MAP2K4: variants seen among roughly 807,000 people sequenced by gnomAD.
MAP2K4 encodes dual specificity mitogen-activated protein kinase kinase 4.
In MAP2K4, 4 loss-of-function variants were observed where a neutral mutation model predicts 48.5. The ratio of observed to expected loss-of-function variants is 0.08; its 90% CI spans 0.04 to 0.19. The LOEUF (loss-of-function observed/expected upper bound fraction) is 0.19. Ranked by LOEUF, MAP2K4 falls within the 10% of genes least tolerant of loss-of-function variation. The probability of loss-of-function intolerance (pLI) is 1.00; values close to 1 mark genes in which losing one functional copy is unlikely to be tolerated. For synonymous variants in MAP2K4, 166 were observed against 173.1 expected (o/e 0.96, Z 0.32); for missense variants, 258 against 493.3 (o/e 0.52, Z 4.52).
chr17:12,063,985 G>A (rs1273663158), intron 2 of MAP2K4, among the ~76,000 whole-genome samples: 6 of 100,440 alleles, frequency 6.0e-5, no homozygotes, highest in South Asian at 4.8e-4. Flanking sequence ...GGCGGGGGGC[G>A]GGGAGGAAAG....
At chr17:12,129,037 A>G in intron 8 of MAP2K4, 102 bp from the exon 9 acceptor site, 2 of 1,057,976 alleles carry the variant, frequency 1.9e-6, no homozygotes, top group Non-Finnish European at 2.8e-6. Flanking sequence ...TCAAGGCTTT[A>G]CTAGAGTTTT....
At chr17:12,021,547 G>C (rs1969054786) in intron 1 of MAP2K4, 2 of 151,352 alleles carry the variant, frequency 1.3e-5, no homozygotes, top group East Asian at 3.9e-4. Flanking sequence ...AGCTGACCTC[G>C]GGCTACGGGG....
intron 2 of MAP2K4, among the ~76,000 whole-genome samples, chr17:12,074,759 G>A (rs12951298): frequency 1.3e-5 from 2 of 152,006 alleles, no homozygotes; most frequent in African/African-American, 2.4e-5. Flanking sequence ...ATCCTTGTCC[G>A]CAACTCAAGG....
rs28921092 is a variant in MAP2K4, at chr17:12,134,108, G to C, written c.1040+4821G>C. ...AAATTAAATCCCTATAGTAGGTGAT[G>C]ATGCTGCAGTGATGGCTCTCCACCT... On this transcript the variant is annotated intron_variant, in intron 9 of 10. Coordinates refer to ENST00000353533, the MANE Select transcript of MAP2K4 (RefSeq NM_003010.4). Among the ~76,000 whole-genome samples, 949 of 152,362 alleles carry C rather than the reference G, an allele frequency of 6.2e-3. 2 individuals carry two copies. Among genetic ancestry groups the C allele is most frequent in the East Asian group, 0.036 (187 of 5,182 alleles).
intron 1 of MAP2K4, among the ~76,000 whole-genome samples, chr17:12,026,462 G>T (rs1969255832): frequency 6.6e-6 from 1 of 152,150 alleles, no homozygotes; most frequent in South Asian, 2.1e-4. Flanking sequence ...GCTTAAAAAA[G>T]AAAGGGAAAG....
chr17:12,025,265 C>T (rs1037805353), intron 1 of MAP2K4, among the ~76,000 whole-genome samples: 5 of 152,150 alleles, frequency 3.3e-5, no homozygotes, highest in Admixed American at 3.3e-4. Flanking sequence ...TCAGAAATTT[C>T]TCATCTGTTA....
At chr17:12,095,482 G>A (rs753442875) in intron 3 of MAP2K4, 93 bp from the exon 4 acceptor site, 14 of 1,391,334 alleles carry the variant, frequency 1.0e-5, no homozygotes, top group East Asian at 9.3e-5. Flanking sequence ...TTTTAGTCTC[G>A]TAACGGTTTT....
At chr17:12,137,645 A>T (rs1168494649) in intron 9 of MAP2K4, among the ~76,000 whole-genome samples, 1 of 152,168 alleles carries the variant, frequency 6.6e-6, no homozygotes, top group African/African-American at 2.4e-5. Flanking sequence ...AGATGCATGT[A>T]ATGGAAATAA....
rs551904902 is a variant in MAP2K4, at chr17:12,110,487, C to T, written c.685+61C>T. 2.9e-4 allele frequency: 340 copies of T among 1,191,212 alleles called. 1 individual carries two copies. In the African/African-American group the frequency reaches 4.2e-3, roughly 15 times the overall value. The allele number at this position is 1,191,212 out of a possible 1,614,324, so 73.8% of individuals were successfully genotyped here. On this transcript the variant is annotated intron_variant, in intron 6 of 10. Transcript: ENST00000353533. ...AACTTTTTTCTCCTAATTGGTGAAA[C>T]GGTTATTGAAAATTACAGTGTCACT...
At chr17:12,103,353 ACATGATTTTCTG>A (rs1221306035) in intron 4 of MAP2K4, among the ~76,000 whole-genome samples, 1 of 151,742 alleles carries the variant, frequency 6.6e-6, no homozygotes, top group African/African-American at 2.4e-5. Flanking sequence ...GGCCTCCGTT[ACATGATTTTCTG>A]TATTGCTTTT....
At chr17:12,115,823 T>A in intron 7 of MAP2K4, 1 of 722,338 alleles carries the variant, frequency 1.4e-6, no homozygotes, top group East Asian at 2.7e-5. Context: ...TGACAGGAGC[T>A]GCACTGTGCG....
intron 4 of MAP2K4, among the ~76,000 whole-genome samples, chr17:12,101,141 A>G (rs1424946875): frequency 6.6e-6 from 1 of 152,118 alleles, no homozygotes; most frequent in African/African-American, 2.4e-5. Flanking sequence ...ACTCAAGCTC[A>G]CTTAAGATTA....
At chr17:12,066,527 CTCT>C (rs368269993) in intron 2 of MAP2K4, among the ~76,000 whole-genome samples, 43 of 151,944 alleles carry the variant, frequency 2.8e-4, no homozygotes, top group East Asian at 5.8e-4. Context: ...CCTCCTCCTC[CTCT>C]TCTTCTTCTT....
intron 7 of MAP2K4, among the ~76,000 whole-genome samples, chr17:12,119,102 T>C (rs1597486765): frequency 6.6e-6 from 1 of 152,306 alleles, no homozygotes; most frequent in African/African-American, 2.4e-5. Context: ...TCAAGGTAAA[T>C]GTGATATTTA....
Position 12,095,594 on chromosome 17 carries a change from A to G in MAP2K4, c.413A>G (p.Asp138Gly). 1 of 1,613,934 alleles carries G rather than the reference A, an allele frequency of 6.2e-7. No homozygotes were observed. The highest frequency in any genetic ancestry group is 8.5e-7 in the Non-Finnish European group (1 of 1,179,950). Residue 138 changes from aspartate (D) to glycine (G), a missense_variant, in exon 4 of 11, where the codon GAT becomes GGT. Asp to Gly is a moderately conservative substitution (Grantham distance 94, BLOSUM62 -1). This residue lies in a region of MAP2K4 where 132 missense variants were observed against 352.8 expected (regional missense o/e 0.37). Transcript: ENST00000353533. ...MAVKRIRSTV[D>G]EKEQKQLLMD... ...TTCCAGAGAATTCGGTCAACAGTGG[A>G]TGAAAAAGAACAAAAACAACTTCTT... is the stretch of plus-strand genomic sequence containing the variant.
intron 1 of MAP2K4, among the ~76,000 whole-genome samples, chr17:12,024,296 G>T (rs879909961): frequency 6.6e-6 from 1 of 152,144 alleles, no homozygotes; most frequent in Non-Finnish European, 1.5e-5. Flanking sequence ...TAGTGAATTT[G>T]ATTATAAGAG....
chr17:12,062,128 C>A (rs1009484604), intron 2 of MAP2K4, among the ~76,000 whole-genome samples: 3 of 144,274 alleles, frequency 2.1e-5, no homozygotes, highest in Non-Finnish European at 4.5e-5. Context: ...GGAGTGGTTG[C>A]ACTTGAGGTC....
At chr17:12,026,766 T>TC (rs1304472155) in intron 1 of MAP2K4, 3 of 152,202 alleles carry the variant, frequency 2.0e-5, no homozygotes, top group Non-Finnish European at 4.4e-5. Context: ...TAGGTTTCAG[T>TC]CAGGGGGCGG....
At chr17:12,055,861 G>T (rs1970270518) in intron 2 of MAP2K4, among the ~76,000 whole-genome samples, 1 of 152,032 alleles carries the variant, frequency 6.6e-6, no homozygotes, top group Admixed American at 6.6e-5. Flanking sequence ...GCCTTAGAGG[G>T]AATGAAAGAT....
Sources: gnomAD v4.1 joint callset for allele counts (sites outside exome capture counted in the v4.1 genomes callset) on GRCh38, gnomAD v4.1.1 for gene constraint, gnomAD v4.1.1 regional missense constraint, MANE v1.5 for transcripts, NCBI Gene and HGNC (gene_info 2026-07-23, HGNC 2026-07-21) for gene names.